Variants in SLCO3A1 observed in about 807,000 individuals in gnomAD.
The protein encoded by SLCO3A1 is solute carrier organic anion transporter family member 3A1.
Under a neutral mutation model 63.1 loss-of-function variants are expected in SLCO3A1, and 27 were observed. The observed-to-expected ratio is 0.43, with a 90% CI of 0.32 to 0.59. SLCO3A1 has a LOEUF of 0.59. Among genes scored for constraint, SLCO3A1 ranks in the 20% least tolerant of loss-of-function variants. The probability of loss-of-function intolerance (pLI) is 0.09; values close to 1 mark genes in which losing one functional copy is unlikely to be tolerated. For synonymous variants in SLCO3A1, 473 were observed against 409.9 expected (o/e 1.15, Z -1.86); for missense variants, 773 against 945.8 (o/e 0.82, Z 2.40).
rs2048237073 is a variant in SLCO3A1 at position 92,147,151 on chromosome 15, C to T, written c.1680C>T (p.Ile560=). ...GAMAQTPSVI[I]LIRTVSPELK... is the part of the protein sequence containing the mutation. Reference sequence around the variant, plus strand: ...TGGCACAGACACCCTCAGTCATCATCCTCATCAGGTAAGCCCTCGGCACAG... The same window carrying T: ...TGGCACAGACACCCTCAGTCATCATTCTCATCAGGTAAGCCCTCGGCACAG... Residue 560 remains isoleucine (I), a synonymous_variant, in exon 8 of 10, where the codon ATC becomes ATT. Coordinates refer to ENST00000318445, the MANE Select transcript of SLCO3A1 (RefSeq NM_013272.4). 2 of 1,612,516 alleles carry T rather than the reference C, an allele frequency of 1.2e-6. No homozygotes were observed. The highest frequency in any genetic ancestry group is 1.3e-5 in the African/African-American group (1 of 74,894).
intron 8 of SLCO3A1, chr15:92,149,014 T>C (rs1472112178): frequency 6.6e-6 from 1 of 152,220 alleles, no homozygotes; most frequent in African/African-American, 2.4e-5. Flanking sequence ...TATTAGACGT[T>C]TTCGTGAAGT....
chr15:91,919,170 C>T (rs1401378436), intron 2 of SLCO3A1, among the ~76,000 whole-genome samples: 4 of 152,180 alleles, frequency 2.6e-5, no homozygotes, highest in Non-Finnish European at 5.9e-5. Context: ...GTGGCCGTGT[C>T]GTAGCTTCCA....
chr15:92,147,338 A>C (rs371998527), intron 8 of SLCO3A1, among the ~76,000 whole-genome samples, 179 bp downstream of exon 8: 1 of 152,120 alleles, frequency 6.6e-6, no homozygotes, highest in African/African-American at 2.4e-5. Context: ...GGGACCTCCC[A>C]CCAAGAGAAG....
At chr15:91,986,592 A>G (rs1367734448) in intron 2 of SLCO3A1, among the ~76,000 whole-genome samples, 2 of 147,654 alleles carry the variant, frequency 1.4e-5, no homozygotes, top group African/African-American at 5.0e-5. Context: ...CATTCTTTTA[A>G]AAAAAAAAAA....
At chr15:91,969,310 A>ATTT (rs35619974) in intron 2 of SLCO3A1, among the ~76,000 whole-genome samples, 4,978 of 146,416 alleles carry the variant, frequency 0.034, 194 homozygotes, top group African/African-American at 0.088. Flanking sequence ...TATATATATA[A>ATTT]TTTTTTTTTT....
intron 3 of SLCO3A1, among the ~76,000 whole-genome samples, chr15:92,103,932 A>G (rs2047636028): frequency 6.6e-6 from 1 of 152,178 alleles, no homozygotes; most frequent in South Asian, 2.1e-4. Context: ...CTACCTCTGA[A>G]CAATAAACAT....
intron 5 of SLCO3A1, among the ~76,000 whole-genome samples, chr15:92,125,263 G>A (rs1049269882): frequency 4.6e-5 from 7 of 152,162 alleles, no homozygotes; most frequent in African/African-American, 1.7e-4. Context: ...TAAATGACAC[G>A]TAGCAATTGA....
chr15:92,143,221 C>T (rs1321001966), intron 7 of SLCO3A1, among the ~76,000 whole-genome samples: 3 of 144,978 alleles, frequency 2.1e-5, no homozygotes. Flanking sequence ...GAACTTCAGT[C>T]CCAAATCTTT....
intron 2 of SLCO3A1, among the ~76,000 whole-genome samples, chr15:92,004,170 G>A (rs550130456): frequency 6.6e-6 from 1 of 152,312 alleles, no homozygotes; most frequent in African/African-American, 2.4e-5. Flanking sequence ...TAAATCACAG[G>A]AAAGGTGGAG....
At chr15:91,936,608 T>G (rs918982097) in intron 2 of SLCO3A1, among the ~76,000 whole-genome samples, 1 of 152,214 alleles carries the variant, frequency 6.6e-6, no homozygotes, top group African/African-American at 2.4e-5. Context: ...TAGAAAAGAA[T>G]GCATGTCGTG....
intron 2 of SLCO3A1, among the ~76,000 whole-genome samples, chr15:92,069,216 A>T (rs1201803364): frequency 6.6e-6 from 1 of 151,558 alleles, no homozygotes; most frequent in East Asian, 2.0e-4. Flanking sequence ...GGTGCCTGGG[A>T]TGCTGCTGAA....
chr15:91,915,460 C>A (rs1898622798), intron 1 of SLCO3A1, among the ~76,000 whole-genome samples: 1 of 152,080 alleles, frequency 6.6e-6, no homozygotes, highest in African/African-American at 2.4e-5. Context: ...AAATGATTAC[C>A]CCGCTGGGCT....
intron 2 of SLCO3A1, among the ~76,000 whole-genome samples, chr15:92,053,529 G>A (rs911495844): frequency 1.2e-4 from 19 of 152,040 alleles, no homozygotes; most frequent in African/African-American, 3.9e-4. Context: ...CCGGGACATC[G>A]CATTACATTG....
intron 2 of SLCO3A1, among the ~76,000 whole-genome samples, chr15:92,019,935 G>C (rs2046486775): frequency 6.6e-6 from 1 of 152,126 alleles, no homozygotes; most frequent in South Asian, 2.1e-4. Flanking sequence ...TTCATGTCAG[G>C]GCAGTGAGGA....
intron 2 of SLCO3A1, among the ~76,000 whole-genome samples, chr15:92,050,003 C>T (rs1311017548): frequency 3.3e-5 from 5 of 152,198 alleles, no homozygotes; most frequent in African/African-American, 1.2e-4. Context: ...ATCCAGCAGG[C>T]CCCTAGATGC....
chr15:92,077,665 C>G (rs2047295128), intron 2 of SLCO3A1, among the ~76,000 whole-genome samples: 1 of 152,118 alleles, frequency 6.6e-6, no homozygotes, highest in African/African-American at 2.4e-5. Context: ...GGGTGGAGTC[C>G]CAAGTAGAGG....
intron 2 of SLCO3A1, among the ~76,000 whole-genome samples, chr15:91,963,308 T>A (rs1476815759): frequency 6.7e-6 from 1 of 150,372 alleles, no homozygotes; most frequent in Non-Finnish European, 1.5e-5. Context: ...CACCAGTCAG[T>A]CAGTGCTGAG....
Position 91,964,873 on chromosome 15 carries a change from CAG to C in SLCO3A1, c.646+48416_646+48417del, listed in dbSNP as rs923481080. On this transcript the variant is annotated intron_variant, in intron 2 of 9. Transcript: ENST00000318445. The stretch of plus-strand genomic sequence containing the variant: ...CTCAGGGTCACAGAGCGTCAGGTGA[CAG>C]TGTGTGGTCTGGAATCCAGGCCTTA... Among the ~76,000 whole-genome samples the C allele has an allele frequency of 2.0e-5, 3 of 152,168 alleles. No individual in the cohort carries two copies. The East Asian group carries it at 5.8e-4, about 29-fold the overall frequency.
rs1313362704 is a variant in SLCO3A1 at position 91,894,400 on chromosome 15, GGA to G, written c.181-21589_181-21588del. Among the ~76,000 whole-genome samples the G allele has an allele frequency of 2.0e-5, 3 of 152,174 alleles. No homozygotes were observed. Among genetic ancestry groups the G allele is most frequent in the Non-Finnish European group, 4.4e-5 (3 of 68,042 alleles). On this transcript the variant is annotated intron_variant, in intron 1 of 9. Coordinates refer to ENST00000318445, the MANE Select transcript of SLCO3A1 (RefSeq NM_013272.4). The surrounding 1 kb of genome is among the most constrained non-coding windows in gnomAD (Gnocchi z 4.8). ...GCCATGTAGTGTGCATGGACAATGG[GGA>G]GAGGCATGGCAGGTGTGGTGGTATC...
Sources: gnomAD v4.1 joint callset for allele counts (sites outside exome capture counted in the v4.1 genomes callset) on GRCh38, gnomAD v4.1.1 for gene constraint, Gnocchi (gnomAD v3.1) non-coding constraint, MANE v1.5 for transcripts, NCBI Gene and HGNC (gene_info 2026-07-23, HGNC 2026-07-21) for gene names.